The following TECRL variants were observed in gnomAD, a reference collection of about 807,000 sequenced individuals.
TECRL encodes trans-2,3-enoyl-CoA reductase like, also known as trans-2,3-enoyl-CoA reductase-like.
Under a neutral mutation model 52.8 loss-of-function variants are expected in TECRL, and 63 were observed. The ratio of observed to expected loss-of-function variants is 1.19; its 90% CI spans 0.97 to 1.47. TECRL has a LOEUF of 1.47. TECRL is among the 40% of genes most tolerant of loss of function. The pLI is 0.00. For missense variants in TECRL, 482 were observed against 429.6 expected (o/e 1.12, Z -1.08); for synonymous variants, 164 against 141.9 (o/e 1.16, Z -1.10).
At chr4:64,323,692 C>T (rs1280873349) in intron 3 of TECRL, among the ~76,000 whole-genome samples, 8 of 152,100 alleles carry the variant, frequency 5.3e-5, no homozygotes, top group Non-Finnish European at 1.2e-4. Flanking sequence ...TAAAATGTAT[C>T]AGTTGTAAAT....
chr4:64,369,868 A>C (rs1037379736), intron 2 of TECRL, among the ~76,000 whole-genome samples: 2 of 151,980 alleles, frequency 1.3e-5, no homozygotes, highest in Admixed American at 6.6e-5. Context: ...TGCAAAGTAG[A>C]GTAGGACATG....
intron 2 of TECRL, among the ~76,000 whole-genome samples, chr4:64,367,805 G>T (rs1331075392): frequency 6.6e-6 from 1 of 152,052 alleles, no homozygotes; most frequent in Non-Finnish European, 1.5e-5. Flanking sequence ...TTGTAAATTG[G>T]TAAAATATGA....
intron 2 of TECRL, among the ~76,000 whole-genome samples, chr4:64,367,434 C>T (rs1416726090): frequency 1.3e-5 from 2 of 152,008 alleles, no homozygotes; most frequent in Non-Finnish European, 2.9e-5. Flanking sequence ...AAAACTAATG[C>T]AATCATTAAT....
chr4:64,318,084 A>G (rs899676100), intron 4 of TECRL, among the ~76,000 whole-genome samples: 1 of 152,200 alleles, frequency 6.6e-6, no homozygotes, highest in Non-Finnish European at 1.5e-5. Context: ...AGAAGATGGT[A>G]ACTTATATTT....
intron 8 of TECRL, 23 bp from the exon 9 acceptor site, chr4:64,289,790 T>C: frequency 6.6e-7 from 1 of 1,505,960 alleles, no homozygotes; most frequent in East Asian, 2.5e-5. Context: ...TTAAACACTT[T>C]CAGTGTGATA....
chr4:64,365,235 G>T (rs1721514537), intron 2 of TECRL, among the ~76,000 whole-genome samples: 1 of 150,670 alleles, frequency 6.6e-6, no homozygotes, highest in South Asian at 2.1e-4. Flanking sequence ...TACATAAAAG[G>T]AACATACCTC....
chr4:64,371,282 C>A (rs911965935), intron 2 of TECRL, among the ~76,000 whole-genome samples: 1 of 150,676 alleles, frequency 6.6e-6, no homozygotes, highest in African/African-American at 2.4e-5. Flanking sequence ...AATACAATTA[C>A]CTTATCATTA....
chr4:64,397,240 A>G (rs771174112), intron 1 of TECRL, among the ~76,000 whole-genome samples: 8 of 152,128 alleles, frequency 5.3e-5, no homozygotes, highest in Non-Finnish European at 1.2e-4. Flanking sequence ...AAATTTAACT[A>G]AAATAAGTGA....
chr4:64,314,590 G>GGTGTGTGTGTGT lies in TECRL; in HGVS notation c.551+46_551+57dup, dbSNP rs5858876. ...AGTTCATCCCCTCCTTAACGTGTAT[G>GGTGTGTGTGTGT]GTGTGTGTGTGTGTGTGTGTGTGTG... is the stretch of plus-strand genomic sequence containing the variant. On this transcript the variant is annotated intron_variant, in intron 5 of 11. Transcript: ENST00000381210. 9 of 746,030 alleles carry GGTGTGTGTGTGT rather than the reference G, an allele frequency of 1.2e-5. No individual in the cohort carries two copies. In the African/African-American group the frequency reaches 1.5e-4, roughly 12 times the overall value. The allele number at this position is 746,030 out of a possible 1,614,324, so 46.2% of individuals were successfully genotyped here.
At chr4:64,309,579 A>C (rs1724545668) in intron 6 of TECRL, among the ~76,000 whole-genome samples, 1 of 152,170 alleles carries the variant, frequency 6.6e-6, no homozygotes, top group African/African-American at 2.4e-5. Context: ...TACCAAAATT[A>C]AAAGATTCCT....
chr4:64,303,121 TATTA>T (rs1724117076), intron 7 of TECRL, among the ~76,000 whole-genome samples: 1 of 151,532 alleles, frequency 6.6e-6, no homozygotes, highest in Non-Finnish European at 1.5e-5. Context: ...AAAATAAATC[TATTA>T]ATTATAATCA....
At chr4:64,338,906 C>T (rs1415707896) in intron 2 of TECRL, among the ~76,000 whole-genome samples, 1 of 152,054 alleles carries the variant, frequency 6.6e-6, no homozygotes, top group Non-Finnish European at 1.5e-5. Context: ...CTAGAAATAC[C>T]ATTTGACCCA....
chr4:64,407,137 A>G (rs887485059), intron 1 of TECRL, among the ~76,000 whole-genome samples: 1 of 152,062 alleles, frequency 6.6e-6, no homozygotes, highest in Non-Finnish European at 1.5e-5. Flanking sequence ...CAGACATCAA[A>G]GATTTGAATG....
intron 4 of TECRL, 148 bp downstream of exon 4, chr4:64,322,541 G>A (rs887942198): frequency 7.4e-5 from 32 of 431,144 alleles, no homozygotes. Flanking sequence ...TAGAACTTTG[G>A]CCACTCGTCA....
intron 2 of TECRL, among the ~76,000 whole-genome samples, chr4:64,331,937 G>A (rs1419155193): frequency 6.6e-6 from 1 of 152,076 alleles, no homozygotes; most frequent in Non-Finnish European, 1.5e-5. Context: ...TCCATTAATT[G>A]CAATGACAAA....
Position 64,278,378 on chromosome 4 carries a change from G to T in TECRL, c.*1694C>A, listed in dbSNP as rs570717349. 3.0e-5 allele frequency: 7 copies of T among 236,192 alleles called. No homozygotes were observed. The East Asian group carries it at 9.1e-4, about 31-fold the overall frequency. 14.6% of individuals were successfully genotyped at this position (236,192 alleles called of 1,614,324 possible). On this transcript the variant is annotated 3_prime_UTR_variant, in exon 12 of 12. Coordinates refer to ENST00000381210, the MANE Select transcript of TECRL (RefSeq NM_001010874.5). ...CTCACTAACAGATTGAACAATAAAA[G>T]AATTAAATTATTGTCAAAATAATGA...
intron 1 of TECRL, among the ~76,000 whole-genome samples, chr4:64,386,231 T>A (rs1723171520): frequency 6.6e-6 from 1 of 152,256 alleles, no homozygotes; most frequent in Non-Finnish European, 1.5e-5. Context: ...ATAAAGCATA[T>A]AATATGTATT....
intron 3 of TECRL, among the ~76,000 whole-genome samples, chr4:64,327,832 A>G (rs1718366958): frequency 6.6e-6 from 1 of 152,040 alleles, no homozygotes; most frequent in South Asian, 2.1e-4. Context: ...CTCATTATTT[A>G]TGAAAAATTG....
intron 1 of TECRL, among the ~76,000 whole-genome samples, chr4:64,387,950 T>A (rs1577977352): frequency 6.6e-6 from 1 of 151,828 alleles, no homozygotes; most frequent in East Asian, 1.9e-4. Flanking sequence ...TTGCAAATAT[T>A]TTTTCCAGTT....
Sources: allele counts gnomAD v4.1 joint callset (sites outside exome capture counted in the v4.1 genomes callset), GRCh38; gene constraint gnomAD v4.1.1; transcripts MANE v1.5; gene names NCBI Gene and HGNC (gene_info 2026-07-23, HGNC 2026-07-21).